Variants in SNAP23 observed in about 807,000 individuals in gnomAD.
The protein encoded by SNAP23 is synaptosomal-associated protein 23.
In SNAP23, 11 loss-of-function variants were observed where a neutral mutation model predicts 29.0. The ratio of observed to expected loss-of-function variants is 0.38; its 90% confidence interval spans 0.24 to 0.63. The LOEUF is 0.63. Ranked by LOEUF, SNAP23 falls within the 20% of genes least tolerant of loss-of-function variation. The pLI is 0.58. For missense variants in SNAP23, 220 were observed against 253.9 expected, an observed-to-expected ratio of 0.87 and a Z score of 0.91; for synonymous variants, 60 against 82.9, an observed-to-expected ratio of 0.72 and a Z score of 1.50.
intron 5 of SNAP23, among the ~76,000 whole-genome samples, chr15:42,523,123 G>A (rs1191243930): frequency 6.6e-6 from 1 of 151,352 alleles, no homozygotes; most frequent in African/African-American, 2.4e-5. Context: ...TGAAATTACA[G>A]GCGTGAGCCA....
At chr15:42,497,547 A>T (rs138868728) in intron 1 of SNAP23, among the ~76,000 whole-genome samples, 1 of 151,602 alleles carries the variant, frequency 6.6e-6, no homozygotes, top group African/African-American at 2.4e-5. Flanking sequence ...GTTTCACTCT[A>T]TTGGCCAGGC....
chr15:42,508,704 G>T (rs1001613194), intron 1 of SNAP23, among the ~76,000 whole-genome samples: 1 of 152,148 alleles, frequency 6.6e-6, no homozygotes, highest in Non-Finnish European at 1.5e-5. Flanking sequence ...GGTCAGGAGT[G>T]CATTCACTCC....
At chr15:42,520,240 G>T (rs2057433828) in intron 5 of SNAP23, among the ~76,000 whole-genome samples, 1 of 151,312 alleles carries the variant, frequency 6.6e-6, no homozygotes, top group Admixed American at 6.6e-5. Context: ...TAGTAGAGAT[G>T]AGGTTTCACC....
At chr15:42,521,816 T>C in intron 5 of SNAP23, 1 of 454,950 alleles carries the variant, frequency 2.2e-6, no homozygotes, top group Non-Finnish European at 3.9e-6. Context: ...TTGTTCTTGA[T>C]GGGTGCTATC....
At position 42,517,910 on chromosome 15, in the gene SNAP23, G is replaced by A. The variant is rs3784276; in HGVS notation, c.266+2556G>A. Among the ~76,000 whole-genome samples the A allele has an allele frequency of 1.4e-4, 22 of 152,074 alleles. No homozygotes were observed. The East Asian group carries it at 4.1e-3, about 28-fold the overall frequency. ...AATTTTTTGTAGAGACAGGGGTCTT[G>A]CTATGTTGCCCAGGCTTGTATCAAA... On this transcript the variant is annotated intron_variant, in intron 5 of 7. Coordinates refer to ENST00000249647, the MANE Select transcript of SNAP23 (RefSeq NM_003825.4).
At chr15:42,521,915 C>T in intron 5 of SNAP23, 1 of 366,194 alleles carries the variant, frequency 2.7e-6, no homozygotes, top group Admixed American at 4.4e-5. Context: ...TGCTAAATAA[C>T]ATTTAAGATT....
upstream of SNAP23, among the ~76,000 whole-genome samples, chr15:42,494,689 G>C (rs1297514004): frequency 6.6e-6 from 1 of 151,794 alleles, no homozygotes; most frequent in Admixed American, 6.6e-5. Context: ...CTAATTTTTT[G>C]TATTTTTAGT....
rs980949230 is a variant in SNAP23, at chr15:42,502,172, C to A, written c.-15+6459C>A. Among the ~76,000 whole-genome samples the A allele has an allele frequency of 2.0e-5, 3 of 151,716 alleles. No individual in the cohort carries two copies. The South Asian group carries it at 6.3e-4, about 32-fold the overall frequency. ...CCTCCTGAGTAGCTGGGACTACAGG[C>A]GCCCACTACCACGCCCGGCTAATTT... On this transcript the variant is annotated intron_variant, in intron 1 of 7. Coordinates refer to ENST00000249647, the MANE Select transcript of SNAP23 (RefSeq NM_003825.4).
intron 5 of SNAP23, among the ~76,000 whole-genome samples, chr15:42,518,792 G>T (rs2057419352): frequency 6.6e-6 from 1 of 152,148 alleles, no homozygotes; most frequent in African/African-American, 2.4e-5. Context: ...ACTCATTAGG[G>T]TATAAAATGT....
At chr15:42,520,171 C>T (rs969485219) in intron 5 of SNAP23, among the ~76,000 whole-genome samples, 2 of 151,352 alleles carry the variant, frequency 1.3e-5, no homozygotes, top group African/African-American at 4.9e-5. Context: ...CTGCCTCAGC[C>T]TCCCGAGTAG....
At position 42,520,784 on chromosome 15, in the gene SNAP23, A is replaced by G. The variant is rs558156417; in HGVS notation, c.266+5430A>G. Among the ~76,000 whole-genome samples the G allele has an allele frequency of 6.2e-4, 94 of 152,270 alleles. 1 individual carries two copies. The highest frequency in any genetic ancestry group is 1.5e-3 in the East Asian group (8 of 5,180). ...GTTGGGATTACAGGCGTGAGCCACCACACCCGGCCTTAAACATTCTTAGAT... is the reference window on the plus strand; with the variant it reads ...GTTGGGATTACAGGCGTGAGCCACCGCACCCGGCCTTAAACATTCTTAGAT... On this transcript the variant is annotated intron_variant, in intron 5 of 7. Transcript: ENST00000249647.
At chr15:42,522,744 T>C (rs1482201433) in intron 5 of SNAP23, among the ~76,000 whole-genome samples, 1 of 149,484 alleles carries the variant, frequency 6.7e-6, no homozygotes, top group Non-Finnish European at 1.5e-5. Flanking sequence ...AAAGAAATTA[T>C]CGTTTTTGTG....
At chr15:42,492,185 AC>A (rs2057172589), upstream of SNAP23, among the ~76,000 whole-genome samples, 1 of 147,842 alleles carries the variant, frequency 6.8e-6, no homozygotes, top group African/African-American at 2.5e-5. Flanking sequence ...TGCTGGTATT[AC>A]AGGTGTGAGC....
Position 42,531,510 on chromosome 15 carries a change from A to C in SNAP23, c.*32A>C. The C allele has an allele frequency of 6.5e-7, 1 of 1,526,900 alleles. No homozygotes were observed. Among genetic ancestry groups the C allele is most frequent in the Non-Finnish European group, 9.0e-7 (1 of 1,113,196 alleles). The allele number at this position is 1,526,900 out of a possible 1,614,324, so 94.6% of individuals were successfully genotyped here. A position where few individuals can be genotyped will look rare whatever the true frequency, so the allele number is the denominator to read the frequency against. Reference sequence around the variant, plus strand: ...TGCTGTTCTTCTTTATCATTTATTCACTTCCGTAGCTCCTCCTTGAAAGTT... The same window carrying C: ...TGCTGTTCTTCTTTATCATTTATTCCCTTCCGTAGCTCCTCCTTGAAAGTT... On this transcript the variant is annotated 3_prime_UTR_variant, in exon 8 of 8. Coordinates refer to ENST00000249647, the MANE Select transcript of SNAP23 (RefSeq NM_003825.4).
chr15:42,526,619 A>C (rs2057505361), intron 5 of SNAP23, among the ~76,000 whole-genome samples: 1 of 152,214 alleles, frequency 6.6e-6, no homozygotes. Flanking sequence ...CAATTTTAAA[A>C]CTTCCTTATT....
chr15:42,517,347 C>T (rs1039173399), intron 5 of SNAP23, among the ~76,000 whole-genome samples: 14 of 152,092 alleles, frequency 9.2e-5, no homozygotes, highest in African/African-American at 3.4e-4. Context: ...ATAATTGTAC[C>T]TTTCTCTTGT....
chr15:42,521,980 T>C (rs1474994064), intron 5 of SNAP23: 1 of 226,496 alleles, frequency 4.4e-6, no homozygotes, highest in Admixed American at 5.6e-5. Flanking sequence ...AGGTTGATCT[T>C]TGAGACAGCT....
At chr15:42,496,584 G>C (rs2057221720) in intron 1 of SNAP23, among the ~76,000 whole-genome samples, 1 of 152,106 alleles carries the variant, frequency 6.6e-6, no homozygotes, top group African/African-American at 2.4e-5. Context: ...AGGCGTGGTG[G>C]TATATGCTTG....
intron 1 of SNAP23, among the ~76,000 whole-genome samples, chr15:42,509,440 C>CTTT (rs34486893): frequency 3.7e-5 from 5 of 134,012 alleles, no homozygotes; most frequent in Admixed American, 7.5e-5. Flanking sequence ...GGCTCAAAAT[C>CTTT]TTTTTTTTTT....
Sources: gnomAD v4.1 joint callset for allele counts (sites outside exome capture counted in the v4.1 genomes callset) on GRCh38, gnomAD v4.1.1 for gene constraint, MANE v1.5 for transcripts, NCBI Gene and HGNC (gene_info 2026-07-23, HGNC 2026-07-21) for gene names.